Variants in PEX3 observed in about 807,000 individuals in gnomAD.
The protein encoded by PEX3 is peroxin-3.
In PEX3, 30 loss-of-function variants were observed where a neutral mutation model predicts 55.8. The observed-to-expected ratio is 0.54, with a 90% CI of 0.40 to 0.73. The LOEUF (loss-of-function observed/expected upper bound fraction) is 0.73. Among genes scored for constraint, PEX3 ranks in the 30% least tolerant of loss-of-function variants. The pLI is 0.00. For synonymous variants in PEX3, 135 were observed against 148.4 expected (o/e 0.91, Z 0.66); for missense variants, 351 against 432.8 (o/e 0.81, Z 1.68).
chr6:143,459,068 T>C lies in PEX3; in HGVS notation c.74-17T>C, dbSNP rs1200578042. 1 of 1,546,492 alleles carries C rather than the reference T, an allele frequency of 6.5e-7. No individual in the cohort carries two copies. The highest frequency in any genetic ancestry group is 1.1e-5 in the South Asian group (1 of 89,608). ...TTTGGTACTCTAATGAATATAGTAC[T>C]TTTTTAATGATTGTAGGAGTATATA... On this transcript the variant is annotated splice_polypyrimidine_tract_variant and intron_variant, in intron 1 of 11. Coordinates refer to ENST00000367591, the MANE Select transcript of PEX3 (RefSeq NM_003630.3). The surrounding 1 kb of genome is among the most constrained non-coding windows in gnomAD (Gnocchi z 4.2).
rs751903695 is a variant in PEX3 at position 143,489,412 on chromosome 6, A to G, written c.*186A>G. The G allele has an allele frequency of 5.8e-6, 3 of 513,420 alleles. No homozygotes were observed. The highest frequency in any genetic ancestry group is 3.5e-5 in the East Asian group (1 of 28,302). 31.8% of individuals were successfully genotyped at this position (513,420 alleles called of 1,614,324 possible). ...TTAATATATTTTTTTAGATTCATCA[A>G]CAGACCAGTTTTTGTGGGCATATAT... On this transcript the variant is annotated 3_prime_UTR_variant, in exon 12 of 12. Transcript: ENST00000367591. The surrounding 1 kb of genome is among the most constrained non-coding windows in gnomAD (Gnocchi z 5.5).
In PEX3 at chr6:143,451,086, A is replaced by C. The variant is rs533120503; in HGVS notation, c.44A>C (p.Lys15Thr). 2 of 1,613,676 alleles carry C rather than the reference A, an allele frequency of 1.2e-6. No individual in the cohort carries two copies. Among genetic ancestry groups the C allele is most frequent in the East Asian group, 2.2e-5 (1 of 44,852 alleles). The stretch of plus-strand genomic sequence containing the variant: ...AATTTTCTGAAACGCCACAAAAAGA[A>C]ATGCATCTTCCTGGGCACGGTCCTT... ...VWNFLKRHKKKCIFLGTVLGG... is the reference protein window; with the variant it reads ...VWNFLKRHKKTCIFLGTVLGG... Residue 15 changes from lysine (K) to threonine (T), a missense_variant, in exon 1 of 12, where the codon AAA becomes ACA. By Grantham distance (78) the Lys-to-Thr change is moderately conservative (BLOSUM62 -1). Coordinates refer to ENST00000367591, the MANE Select transcript of PEX3 (RefSeq NM_003630.3). This position sits in a 1 kb window ranked among gnomAD's most constrained non-coding sequence, Gnocchi z 4.1.
Position 143,462,956 on chromosome 6 carries a change from G to C in PEX3, c.246G>C (p.Gln82His), listed in dbSNP as rs1225888913. ...MLPTLREALM[Q>H]QLNSESLTAL... ...CAACACTGAGAGAGGCCTTAATGCA[G>C]CAACTGAATTCCGAGAGCCTCACAG... The change falls in exon 3 of 12, where the codon CAG (glutamine) becomes CAC (histidine). Residue 82 changes from glutamine to histidine, a missense_variant. Coordinates refer to ENST00000367591, the MANE Select transcript of PEX3 (RefSeq NM_003630.3). The surrounding 1 kb of genome is among the most constrained non-coding windows in gnomAD (Gnocchi z 4.1). 6.2e-7 allele frequency: 1 copy of C among 1,613,752 alleles called. No homozygotes were observed. The highest frequency in any genetic ancestry group is 1.1e-5 in the South Asian group (1 of 91,082).
In PEX3 at chr6:143,479,055, T is replaced by G; in HGVS notation, c.819-21T>G. ...TCCATTCAGAGTCTAAAAAGTAACT[T>G]ATACTTCTTACTTTATATAGCCCAG... On this transcript the variant is annotated intron_variant, in intron 9 of 11. Coordinates refer to ENST00000367591, the MANE Select transcript of PEX3 (RefSeq NM_003630.3). The surrounding 1 kb of genome is among the most constrained non-coding windows in gnomAD (Gnocchi z 4.6). 6.7e-7 allele frequency: 1 copy of G among 1,490,398 alleles called. No homozygotes were observed. The highest frequency in any genetic ancestry group is 1.1e-5 in the South Asian group (1 of 88,212). The allele number at this position is 1,490,398 out of a possible 1,614,324, so 92.3% of individuals were successfully genotyped here. A position where few individuals can be genotyped will look rare whatever the true frequency, so the allele number is the denominator to read the frequency against.
rs150186728 is a variant in PEX3 at position 143,475,779 on chromosome 6, C to G, written c.818+923C>G. On this transcript the variant is annotated intron_variant, in intron 9 of 11. Transcript: ENST00000367591. The surrounding 1 kb of genome is among the most constrained non-coding windows in gnomAD (Gnocchi z 4.4). Reference sequence around the variant, plus strand: ...ACTTTACTATGCTAGTAGTTAAAGCCAAATGTATAGCCCTAGTCCTCCACC... The same window carrying G: ...ACTTTACTATGCTAGTAGTTAAAGCGAAATGTATAGCCCTAGTCCTCCACC... Among the ~76,000 whole-genome samples the G allele has an allele frequency of 5.2e-4, 79 of 152,338 alleles. No homozygotes were observed. Among genetic ancestry groups the G allele is most frequent in the African/African-American group, 1.8e-3 (76 of 41,570 alleles).
chr6:143,457,392 T>C (rs1008116280), intron 1 of PEX3, among the ~76,000 whole-genome samples: 1 of 152,184 alleles, frequency 6.6e-6, no homozygotes, highest in Non-Finnish European at 1.5e-5. Flanking sequence ...CATATAAACA[T>C]AGCAACAGCA....
At chr6:143,469,673 T>G (rs1780043505) in intron 4 of PEX3, among the ~76,000 whole-genome samples, 1 of 152,220 alleles carries the variant, frequency 6.6e-6, no homozygotes, top group South Asian at 2.1e-4. Context: ...AGAAGCTCTT[T>G]AGTTTAATTA....
At position 143,464,863 on chromosome 6, in the gene PEX3, GT is replaced by G. The variant is rs1021165683; in HGVS notation, c.287+1875del. Among the ~76,000 whole-genome samples the G allele has an allele frequency of 4.0e-5, 6 of 150,718 alleles. No homozygotes were observed. The highest frequency in any genetic ancestry group is 5.9e-5 in the Non-Finnish European group (4 of 67,500). On this transcript the variant is annotated intron_variant, in intron 3 of 11. Transcript: ENST00000367591. The surrounding 1 kb of genome is among the most constrained non-coding windows in gnomAD (Gnocchi z 5.8). ...GGTCTCATATAAGCCTGTTGAGCAA[GT>G]TTTTTTTTCTTTAAACTATTTGTGA...
At chr6:143,461,443 T>C (rs1779917891) in intron 2 of PEX3, among the ~76,000 whole-genome samples, 1 of 152,168 alleles carries the variant, frequency 6.6e-6, no homozygotes, top group Non-Finnish European at 1.5e-5. Context: ...AGCCAAAATA[T>C]AGGTTCAGTG....
Position 143,483,499 on chromosome 6 carries a change from A to G in PEX3, c.942-1653A>G, listed in dbSNP as rs1196391813. On this transcript the variant is annotated intron_variant, in intron 10 of 11. Transcript: ENST00000367591. This position sits in a 1 kb window ranked among gnomAD's most constrained non-coding sequence, Gnocchi z 4.3. ...CAGGGCAAAGGTTTTGAAGCCACCT[A>G]AGTACATTTTAAGACTTATAAAGAG... is the stretch of plus-strand genomic sequence containing the variant. Among the ~76,000 whole-genome samples the G allele has an allele frequency of 7.2e-5, 11 of 152,140 alleles. No individual in the cohort carries two copies. Among genetic ancestry groups the G allele is most frequent in the Admixed American group, 7.2e-4 (11 of 15,252 alleles).
intron 1 of PEX3, among the ~76,000 whole-genome samples, chr6:143,452,646 G>T (rs1482318710): frequency 6.6e-6 from 1 of 152,028 alleles, no homozygotes; most frequent in African/African-American, 2.4e-5. Flanking sequence ...AAGTTCAGAC[G>T]GCCAGAAAGA....
rs1335177525 is a variant in PEX3 at position 143,466,344 on chromosome 6, A to G, written c.288-1778A>G. Among the ~76,000 whole-genome samples, 3 of 152,172 alleles carry G rather than the reference A, an allele frequency of 2.0e-5. No individual in the cohort carries two copies. The highest frequency in any genetic ancestry group is 2.1e-4 in the South Asian group (1 of 4,828). Reference sequence around the variant, plus strand: ...CCAGCGGATCCATGCTGTAGATGCTATCTACCTGTTAGTCACTTAGTAGCC... The same window carrying G: ...CCAGCGGATCCATGCTGTAGATGCTGTCTACCTGTTAGTCACTTAGTAGCC... On this transcript the variant is annotated intron_variant, in intron 3 of 11. Transcript: ENST00000367591. The surrounding 1 kb of genome is among the most constrained non-coding windows in gnomAD (Gnocchi z 5.4).
At chr6:143,472,008 G>T (rs1780081160) in intron 7 of PEX3, 152 bp from the exon 8 acceptor site, 6 of 665,886 alleles carry the variant, frequency 9.0e-6, no homozygotes, top group South Asian at 3.4e-5. Context: ...CTTAACTAGT[G>T]GCTGATTTCG....
rs545768226 is a variant in PEX3 at position 143,475,616 on chromosome 6, T to C, written c.818+760T>C. ...CTATGGTGAGCCGTGATTGCACCAC[T>C]GTACTCCAGCCTGGGCAACAGAGTA... On this transcript the variant is annotated intron_variant, in intron 9 of 11. Coordinates refer to ENST00000367591, the MANE Select transcript of PEX3 (RefSeq NM_003630.3). This position sits in a 1 kb window ranked among gnomAD's most constrained non-coding sequence, Gnocchi z 4.4. Among the ~76,000 whole-genome samples, 4 of 152,336 alleles carry C rather than the reference T, an allele frequency of 2.6e-5. No homozygotes were observed. The highest frequency in any genetic ancestry group is 7.2e-5 in the African/African-American group (3 of 41,572).
In PEX3 at chr6:143,490,097, G is replaced by C. The variant is rs1202752163; in HGVS notation, c.*871G>C. ...TTATTTCGGAAGAGAGAGCATGCTA[G>C]TTTAAGTTTCATTTTAATTGGTCGT... On this transcript the variant is annotated 3_prime_UTR_variant, in exon 12 of 12. Coordinates refer to ENST00000367591, the MANE Select transcript of PEX3 (RefSeq NM_003630.3). This position sits in a 1 kb window ranked among gnomAD's most constrained non-coding sequence, Gnocchi z 6.0. The C allele has an allele frequency of 2.0e-5, 3 of 152,102 alleles. No homozygotes were observed. Among genetic ancestry groups the C allele is most frequent in the African/African-American group, 7.2e-5 (3 of 41,428 alleles). 9.4% of individuals were successfully genotyped at this position (152,102 alleles called of 1,614,324 possible).
Position 143,471,373 on chromosome 6 carries a change from T to G in PEX3, c.457-10T>G. 1 of 1,585,486 alleles carries G rather than the reference T, an allele frequency of 6.3e-7. No homozygotes were observed. Among genetic ancestry groups the G allele is most frequent in the Non-Finnish European group, 8.7e-7 (1 of 1,154,432 alleles). On this transcript the variant is annotated splice_polypyrimidine_tract_variant and intron_variant, in intron 5 of 11. Transcript: ENST00000367591. The surrounding 1 kb of genome is among the most constrained non-coding windows in gnomAD (Gnocchi z 5.4). ...CTTGGATAATTGAACTGTATTTCTG[T>G]TTTATACAGACAATTCTTGCTCCCC...
At chr6:143,484,302 T>A (rs1471028107) in intron 10 of PEX3, among the ~76,000 whole-genome samples, 1 of 152,074 alleles carries the variant, frequency 6.6e-6, no homozygotes, top group African/African-American at 2.4e-5. Flanking sequence ...AGGCAAGAGA[T>A]AATGCTCAGC....
chr6:143,476,447 C>T lies in PEX3; in HGVS notation c.818+1591C>T, dbSNP rs187316337. 1.1e-4 allele frequency among the ~76,000 whole-genome samples: 16 copies of T among 152,296 alleles called. No homozygotes were observed. The highest frequency in any genetic ancestry group is 9.8e-4 in the Admixed American group (15 of 15,290). On this transcript the variant is annotated intron_variant, in intron 9 of 11. Coordinates refer to ENST00000367591, the MANE Select transcript of PEX3 (RefSeq NM_003630.3). The surrounding 1 kb of genome is among the most constrained non-coding windows in gnomAD (Gnocchi z 5.4). ...CATCATCTGTGTTTATAAAAGATCT[C>T]ATTGCTCTATGGTAAGCTGACTATA...
At chr6:143,461,214 C>G (rs973384496) in intron 2 of PEX3, among the ~76,000 whole-genome samples, 1 of 152,140 alleles carries the variant, frequency 6.6e-6, no homozygotes, top group Admixed American at 6.5e-5. Context: ...GTAGAGGAGA[C>G]CTGCAGAAAT....
Sources: gnomAD v4.1 joint callset for allele counts (sites outside exome capture counted in the v4.1 genomes callset) on GRCh38, gnomAD v4.1.1 for gene constraint, Gnocchi (gnomAD v3.1) non-coding constraint, MANE v1.5 for transcripts, NCBI Gene and HGNC (gene_info 2026-07-23, HGNC 2026-07-21) for gene names.